The following PEAK1 variants were observed in gnomAD, a reference collection of about 807,000 sequenced individuals.
PEAK1 encodes pseudopodium enriched atypical kinase 1.
PEAK1 carries 54 observed loss-of-function variants against 124.7 expected under a neutral mutation model. That is an observed-to-expected ratio of 0.43 (90% CI 0.35 to 0.54). PEAK1 has a LOEUF of 0.54. Among genes scored for constraint, PEAK1 ranks in the 20% least tolerant of loss-of-function variants. The probability of loss-of-function intolerance (pLI) is 0.01; values close to 1 mark genes in which losing one functional copy is unlikely to be tolerated. For missense variants in PEAK1, 2,046 were observed against 2,134.5 expected (o/e 0.96, Z 0.82); for synonymous variants, 719 against 760.0 (o/e 0.95, Z 0.89).
At chr15:77,241,036 A>G (rs1053179491) in intron 6 of PEAK1, among the ~76,000 whole-genome samples, 2 of 152,194 alleles carry the variant, frequency 1.3e-5, no homozygotes, top group African/African-American at 4.8e-5. Context: ...GAGGCAAAAC[A>G]GTACTAAAAA....
chr15:77,257,659 C>T (rs79718462), intron 5 of PEAK1, among the ~76,000 whole-genome samples: 53,149 of 149,524 alleles, frequency 0.36, 9,672 homozygotes, highest in Non-Finnish European at 0.38. Flanking sequence ...TGCAAAAATT[C>T]TCTCCCATTT....
rs78687207 is a variant in PEAK1 at position 77,326,369 on chromosome 15, A to G, written c.-603+38794T>C. Among the ~76,000 whole-genome samples, 894 of 152,310 alleles carry G rather than the reference A, an allele frequency of 5.9e-3. 12 individuals carry two copies. Among genetic ancestry groups the G allele is most frequent in the African/African-American group, 0.02 (828 of 41,580 alleles). On this transcript the variant is annotated intron_variant, in intron 2 of 9. Transcript: ENST00000682557. The stretch of plus-strand genomic sequence containing the variant: ...CTCAAATAGGTAAGTAAAGCCAGAA[A>G]TTTTAAATTAGGAGAAATAAAAGAA...
At chr15:77,208,312 T>G (rs934450735) in intron 6 of PEAK1, among the ~76,000 whole-genome samples, 2 of 152,238 alleles carry the variant, frequency 1.3e-5, no homozygotes, top group African/African-American at 4.8e-5. Context: ...AACCCAGGCC[T>G]GACTCATTAC....
At chr15:77,315,503 T>A (rs1427058915) in intron 2 of PEAK1, among the ~76,000 whole-genome samples, 1 of 152,078 alleles carries the variant, frequency 6.6e-6, no homozygotes, top group Non-Finnish European at 1.5e-5. Flanking sequence ...GCATAAAAAA[T>A]CAAATGGTAG....
At chr15:77,130,855 A>G (rs374532192) in intron 9 of PEAK1, among the ~76,000 whole-genome samples, 37 of 152,360 alleles carry the variant, frequency 2.4e-4, no homozygotes, top group East Asian at 1.3e-3. Context: ...CTAGGGAAGA[A>G]GCTAGTGGCT....
At chr15:77,315,748 T>A (rs1309788738) in intron 2 of PEAK1, among the ~76,000 whole-genome samples, 1 of 151,924 alleles carries the variant, frequency 6.6e-6, no homozygotes, top group South Asian at 2.1e-4. Flanking sequence ...AGAGGGACAT[T>A]CTACAATATC....
rs74482991 is a variant in PEAK1, at chr15:77,293,095, C to T, written c.-602-6591G>A. Among the ~76,000 whole-genome samples the T allele has an allele frequency of 7.3e-3, 1,106 of 152,320 alleles. 15 individuals are homozygous for T. Among genetic ancestry groups the T allele is most frequent in the African/African-American group, 0.025 (1,050 of 41,566 alleles). ...TGACTATCTCCCTTCTCCACATCCT[C>T]GCCAGGCACCAAATCATGTTGATTC... is the stretch of plus-strand genomic sequence containing the variant. On this transcript the variant is annotated intron_variant, in intron 2 of 9. Coordinates refer to ENST00000682557, the MANE Select transcript of PEAK1 (RefSeq NM_001385026.1).
intron 8 of PEAK1, chr15:77,158,198 T>A (rs2055323924): frequency 3.8e-6 from 1 of 261,668 alleles, no homozygotes; most frequent in African/African-American, 2.1e-5. Context: ...CATGTGTATA[T>A]CTCTATCACT....
chr15:77,179,463 T>C lies in PEAK1; in HGVS notation c.2464A>G (p.Thr822Ala), dbSNP rs78195483. The stretch of plus-strand genomic sequence containing the variant: ...TCAGCCTCACCACTAGGCTGAGATG[T>C]AAAGAGAGATTTGGGCCGGACTGGC... The part of the protein sequence containing the change: ...STPVRPKSLF[T>A]SQPSGEAEAP... Residue 822 changes from threonine to alanine, a missense_variant, in exon 7 of 10, where the codon ACA becomes GCA. By Grantham distance (58) the Thr-to-Ala change is moderately conservative. Transcript: ENST00000682557. The C allele has an allele frequency of 6.2e-7, 1 of 1,614,096 alleles. No homozygotes were observed. The highest frequency in any genetic ancestry group is 8.5e-7 in the Non-Finnish European group (1 of 1,180,012).
intron 1 of PEAK1, among the ~76,000 whole-genome samples, chr15:77,379,979 C>A (rs1038646343): frequency 8.5e-5 from 13 of 152,152 alleles, no homozygotes; most frequent in African/African-American, 3.1e-4. Flanking sequence ...TCTTCCTCAA[C>A]AATTACTCAC....
Position 77,114,278 on chromosome 15 carries a change from C to T in PEAK1, c.5119G>A (p.Ala1707Thr). The T allele has an allele frequency of 3.1e-6, 5 of 1,614,244 alleles. No individual in the cohort carries two copies. The highest frequency in any genetic ancestry group is 4.2e-6 in the Non-Finnish European group (5 of 1,180,044). The change falls in exon 10 of 10, where the codon GCT becomes ACT. Residue 1707 changes from alanine (A) to threonine (T), a missense_variant. Ala to Thr is a moderately conservative substitution (Grantham distance 58). Coordinates refer to ENST00000682557, the MANE Select transcript of PEAK1 (RefSeq NM_001385026.1). ...CCTTCCCTGTCCAGGGACTTCTCAG[C>T]AAACTTGATCATGAGCAGTGTTCGC... Reference protein sequence around the residue: ...IKRTLLMIKFAEKSLDREGGI... With the variant: ...IKRTLLMIKFTEKSLDREGGI...
At chr15:77,132,872 C>G in intron 9 of PEAK1, 133 bp downstream of exon 9, 1 of 815,132 alleles carries the variant, frequency 1.2e-6, no homozygotes, top group South Asian at 1.8e-5. Context: ...AATCTAGTAT[C>G]TGGTAAGAGG....
rs182608289 is a variant in PEAK1 at position 77,274,836 on chromosome 15, G to A, written c.-275+9047C>T. 7.8e-3 allele frequency among the ~76,000 whole-genome samples: 1,181 copies of A among 152,046 alleles called. 13 individuals carry two copies. The highest frequency in any genetic ancestry group is 8.1e-3 in the Non-Finnish European group (553 of 67,956). ...GGATATCTATTCAGAGGAAAAAAAA[G>A]GTCATTATACAAAAAAGATACTTGC... On this transcript the variant is annotated intron_variant, in intron 5 of 9. Coordinates refer to ENST00000682557, the MANE Select transcript of PEAK1 (RefSeq NM_001385026.1).
intron 1 of PEAK1, among the ~76,000 whole-genome samples, chr15:77,373,120 T>C (rs900215775): frequency 6.6e-6 from 1 of 152,252 alleles, no homozygotes; most frequent in African/African-American, 2.4e-5. Flanking sequence ...TATGTATTTA[T>C]CCAATTTAAA....
chr15:77,404,093 T>C (rs1291665127), intron 1 of PEAK1: 3 of 984,946 alleles, frequency 3.0e-6, no homozygotes, highest in East Asian at 1.1e-4. Context: ...GCAAATAATA[T>C]ATCCAGTAGG....
chr15:77,158,297 T>C (rs2055333313), intron 8 of PEAK1: 2 of 552,828 alleles, frequency 3.6e-6, no homozygotes, highest in Non-Finnish European at 3.2e-6. Flanking sequence ...CCTTAGCACT[T>C]GGCACAGGGC....
At chr15:77,157,018 GTCT>G (rs1161478768) in intron 8 of PEAK1, 2 of 152,170 alleles carry the variant, frequency 1.3e-5, no homozygotes, top group African/African-American at 2.4e-5. Flanking sequence ...TAGAATGGAA[GTCT>G]TCTTCTTACA....
chr15:77,323,194 C>T lies in PEAK1; in HGVS notation c.-602-36690G>A, dbSNP rs1462102192. Among the ~76,000 whole-genome samples the T allele has an allele frequency of 1.1e-4, 17 of 152,306 alleles. No individual in the cohort carries two copies. The East Asian group carries it at 3.1e-3, about 28-fold the overall frequency. ...CAACATCATACTGAATGGGCAAAAACTGGAAGCGTTCCCTTTGAAAACTGG... is the reference window on the plus strand; with the variant it reads ...CAACATCATACTGAATGGGCAAAAATTGGAAGCGTTCCCTTTGAAAACTGG... On this transcript the variant is annotated intron_variant, in intron 2 of 9. Coordinates refer to ENST00000682557, the MANE Select transcript of PEAK1 (RefSeq NM_001385026.1).
chr15:77,180,743 T>C lies in PEAK1; in HGVS notation c.1184A>G (p.Gln395Arg). The C allele has an allele frequency of 3.1e-6, 5 of 1,614,128 alleles. No individual in the cohort carries two copies. Among genetic ancestry groups the C allele is most frequent in the Non-Finnish European group, 3.4e-6 (4 of 1,179,984 alleles). The change falls in exon 7 of 10, where the codon CAG becomes CGG. Residue 395 changes from glutamine (Q) to arginine (R), a missense_variant. Coordinates refer to ENST00000682557, the MANE Select transcript of PEAK1 (RefSeq NM_001385026.1). Reference protein sequence around the residue: ...PNYESPSSNNQDKDSSQASKS... With the variant: ...PNYESPSSNNRDKDSSQASKS... The stretch of plus-strand genomic sequence containing the variant: ...GGAAGCCTGTGATGAATCTTTATCC[T>C]GATTATTACTAGAGGGACTTTCATA...
Sources: gnomAD v4.1 joint callset for allele counts (sites outside exome capture counted in the v4.1 genomes callset) on GRCh38, gnomAD v4.1.1 for gene constraint, MANE v1.5 for transcripts, NCBI Gene and HGNC (gene_info 2026-07-23, HGNC 2026-07-21) for gene names.